Variants in ZNF804A observed in about 807,000 individuals in gnomAD.
ZNF804A encodes the protein zinc finger protein 804A.
Under a neutral mutation model 16.5 loss-of-function variants are expected in ZNF804A, and 2 were observed. That is an observed-to-expected ratio of 0.12 (90% CI 0.05 to 0.38). The LOEUF is 0.38. ZNF804A is among the 10% of genes least tolerant of loss of function. ZNF804A has a pLI of 0.99. For synonymous variants in ZNF804A, 534 were observed against 489.6 expected (o/e 1.09, Z -1.20); for missense variants, 1,473 against 1,390.7 (o/e 1.06, Z -0.94).
chr2:184,708,747 C>T (rs1559131756), intron 1 of ZNF804A, among the ~76,000 whole-genome samples: 1 of 152,044 alleles, frequency 6.6e-6, no homozygotes, highest in African/African-American at 2.4e-5. Context: ...TAAATATATA[C>T]ACTATGTAAA....
intron 1 of ZNF804A, among the ~76,000 whole-genome samples, chr2:184,839,932 C>G (rs1237140823): frequency 6.6e-6 from 1 of 152,030 alleles, no homozygotes; most frequent in East Asian, 1.9e-4. Context: ...CATAACCGAC[C>G]CCTTCAACTT....
intron 2 of ZNF804A, among the ~76,000 whole-genome samples, chr2:184,890,176 TA>T (rs35884393): frequency 0.064 from 9,780 of 152,200 alleles, 1,065 homozygotes; most frequent in African/African-American, 0.22. Context: ...CACACAAGGT[TA>T]AAAAAACTTC....
At chr2:184,836,971 A>G (rs900056977) in intron 1 of ZNF804A, among the ~76,000 whole-genome samples, 4 of 151,864 alleles carry the variant, frequency 2.6e-5, no homozygotes, top group African/African-American at 7.3e-5. Flanking sequence ...CTTTGTGACT[A>G]TGTACATGGT....
chr2:184,909,006 T>C (rs1558999670), intron 2 of ZNF804A, among the ~76,000 whole-genome samples: 1 of 152,110 alleles, frequency 6.6e-6, no homozygotes, highest in Non-Finnish European at 1.5e-5. Flanking sequence ...ACCACTCTAT[T>C]TTTTTCTTAC....
intron 1 of ZNF804A, among the ~76,000 whole-genome samples, chr2:184,751,972 A>G (rs1693884113): frequency 6.6e-6 from 1 of 151,778 alleles, no homozygotes. Flanking sequence ...TAAAAAAATC[A>G]AAACACAAGA....
At chr2:184,747,158 GT>G (rs2105756078) in intron 1 of ZNF804A, among the ~76,000 whole-genome samples, 1 of 150,998 alleles carries the variant, frequency 6.6e-6, no homozygotes, top group East Asian at 1.9e-4. Flanking sequence ...AAGTAGAGAA[GT>G]TCCATTCTCT....
chr2:184,724,461 A>G (rs909517168), intron 1 of ZNF804A, among the ~76,000 whole-genome samples: 1 of 127,110 alleles, frequency 7.9e-6, no homozygotes, highest in African/African-American at 4.4e-5. Flanking sequence ...GAAGACAGGC[A>G]AAGAATCAGA....
chr2:184,747,207 T>C (rs570009050), intron 1 of ZNF804A, among the ~76,000 whole-genome samples: 21 of 147,730 alleles, frequency 1.4e-4, no homozygotes, highest in Non-Finnish European at 3.1e-4. Flanking sequence ...CTTAAATACA[T>C]AGAAAACAAA....
intron 1 of ZNF804A, among the ~76,000 whole-genome samples, chr2:184,753,542 C>T (rs568923156): frequency 6.6e-6 from 1 of 151,790 alleles, no homozygotes; most frequent in Admixed American, 6.6e-5. Flanking sequence ...TCTTGGATGG[C>T]CTGTGATACT....
chr2:184,812,374 A>AACAATTCCTT (rs1409775112), intron 1 of ZNF804A, among the ~76,000 whole-genome samples: 1 of 152,196 alleles, frequency 6.6e-6, no homozygotes, highest in African/African-American at 2.4e-5. Context: ...GAGAGCAGAA[A>AACAATTCCTT]ACAATTCCTT....
intron 1 of ZNF804A, among the ~76,000 whole-genome samples, chr2:184,736,964 T>A (rs1051520160): frequency 6.6e-5 from 10 of 151,956 alleles, no homozygotes; most frequent in Non-Finnish European, 5.9e-5. Flanking sequence ...TTAAAGAATA[T>A]ATTAAACATT....
chr2:184,819,000 T>C (rs887562674), intron 1 of ZNF804A, among the ~76,000 whole-genome samples: 2 of 151,868 alleles, frequency 1.3e-5, no homozygotes, highest in South Asian at 4.1e-4. Context: ...AGACAGATCA[T>C]TGAGACAGAA....
chr2:184,714,243 T>C (rs569058203), intron 1 of ZNF804A, among the ~76,000 whole-genome samples: 1 of 152,150 alleles, frequency 6.6e-6, no homozygotes, highest in African/African-American at 2.4e-5. Context: ...CTTACTTTGC[T>C]TTCTGTTCAT....
intron 1 of ZNF804A, among the ~76,000 whole-genome samples, chr2:184,800,749 T>C (rs114014806): frequency 9.3e-4 from 141 of 152,164 alleles, no homozygotes; most frequent in African/African-American, 3.2e-3. Context: ...TAAAAAAGCA[T>C]ACCTAATTTT....
chr2:184,835,975 A>G (rs1695338926), intron 1 of ZNF804A, among the ~76,000 whole-genome samples: 1 of 152,124 alleles, frequency 6.6e-6, no homozygotes, highest in Non-Finnish European at 1.5e-5. Context: ...TAAAGTGAAA[A>G]AGGAAATTGA....
At chr2:184,663,663 G>A (rs1484053623) in intron 1 of ZNF804A, among the ~76,000 whole-genome samples, 2 of 152,168 alleles carry the variant, frequency 1.3e-5, no homozygotes, top group African/African-American at 4.8e-5. Context: ...CCCAGATTGG[G>A]AATTTAGGGT....
At chr2:184,645,709 A>AGCAT (rs748988222) in intron 1 of ZNF804A, among the ~76,000 whole-genome samples, 3 of 152,242 alleles carry the variant, frequency 2.0e-5, no homozygotes, top group Non-Finnish European at 4.4e-5. Flanking sequence ...AGAGGCTTTC[A>AGCAT]GCATGCTTTA....
chr2:184,829,900 AAAAAAAAAAAAAAAAAAAAAAACAAAAAC>A (rs1298116065), intron 1 of ZNF804A, among the ~76,000 whole-genome samples: 5 of 94,352 alleles, frequency 5.3e-5, no homozygotes, highest in Admixed American at 4.3e-4. Flanking sequence ...TGTCTCTACC[AAAAAAAAAAAAAAAAAAAAAAACAAAAAC>A]AAAAAAAAAA....
chr2:184,769,710 C>T (rs1694183169), intron 1 of ZNF804A, among the ~76,000 whole-genome samples: 1 of 151,908 alleles, frequency 6.6e-6, no homozygotes, highest in African/African-American at 2.4e-5. Context: ...CAAGGAAAGC[C>T]ATGATAGCCC....
Sources: allele counts gnomAD v4.1 joint callset (sites outside exome capture counted in the v4.1 genomes callset), GRCh38; gene constraint gnomAD v4.1.1; transcripts MANE v1.5; gene names NCBI Gene and HGNC (gene_info 2026-07-23, HGNC 2026-07-21).